Variants in MYH14 observed in about 807,000 individuals in gnomAD.
MYH14 encodes myosin-14.
In MYH14, 123 loss-of-function variants were observed where a neutral mutation model predicts 255.5. The ratio of observed to expected loss-of-function variants is 0.48; its 90% CI spans 0.42 to 0.56. The LOEUF is 0.56. Among genes scored for constraint, MYH14 ranks in the 20% least tolerant of loss-of-function variants. The pLI, the probability that MYH14 is intolerant of heterozygous loss-of-function variation, is 0.00. For synonymous variants in MYH14, 1,095 were observed against 1,161.2 expected (o/e 0.94, Z 1.16); for missense variants, 2,423 against 2,802.3 (o/e 0.86, Z 3.06).
rs370923801 is a variant in MYH14, at chr19:50,271,937, G to T, written c.3260G>T (p.Arg1087Leu). Reference protein sequence around the residue: ...EEKVKSLNKLRLKYEATIADM... With the variant: ...EEKVKSLNKLLLKYEATIADM... ...AAGGTCAAGAGCCTCAATAAGCTAC[G>T]GCTCAAATATGAGGCCACAATCGCA... Residue 1087 changes from arginine to leucine, a missense_variant, in exon 26 of 43, where the codon CGG becomes CTG. Transcript: ENST00000642316. The T allele has an allele frequency of 1.2e-6, 2 of 1,611,530 alleles. No homozygotes were observed. The highest frequency in any genetic ancestry group is 1.7e-6 in the Non-Finnish European group (2 of 1,179,066).
At position 50,276,899 on chromosome 19, in the gene MYH14, AG is replaced by A; in HGVS notation, c.3825+1del. ...ELAEQLEQAR[R>X]GKGAWEKTRL... The stretch of plus-strand genomic sequence containing the variant: ...GGCGGAGCAGCTGGAGCAGGCCCGG[AG>A]GGTGGGTTGGGGCAGGGGGACAGGG... On this transcript the variant is annotated frameshift_variant and splice_region_variant, in exon 29 of 43. Coordinates refer to ENST00000642316, the MANE Select transcript of MYH14 (RefSeq NM_001145809.2). The surrounding 1 kb of genome is among the most constrained non-coding windows in gnomAD (Gnocchi z 4.3). 1.3e-6 allele frequency: 1 copy of A among 781,546 alleles called. No homozygotes were observed. The highest frequency in any genetic ancestry group is 1.7e-6 in the Non-Finnish European group (1 of 573,596). The allele number at this position is 781,546 out of a possible 1,614,324, so 48.4% of individuals were successfully genotyped here.
In MYH14 at chr19:50,293,546, GCCTT is replaced by G. The variant is rs766583843; in HGVS notation, c.5346-14_5346-11del. ...GACCATCCTGTCCTTTCATCCCCAC[GCCTT>G]CCTGTCTCCCTAGGGCAGCCATTCT... On this transcript the variant is annotated splice_polypyrimidine_tract_variant and intron_variant, in intron 38 of 42. Transcript: ENST00000642316. The surrounding 1 kb of genome is among the most constrained non-coding windows in gnomAD (Gnocchi z 4.1). 1.9e-6 allele frequency: 3 copies of G among 1,611,994 alleles called. No homozygotes were observed. In the South Asian group the frequency reaches 3.3e-5, roughly 18 times the overall value.
chr19:50,296,978 GT>G (rs869302796), intron 39 of MYH14, among the ~76,000 whole-genome samples: 3 of 68,894 alleles, frequency 4.4e-5, no homozygotes, highest in South Asian at 1.0e-3. Flanking sequence ...TATTCTCTCT[GT>G]TTTTTTTTGT....
At position 50,231,917 on chromosome 19, in the gene MYH14, A is replaced by G; in HGVS notation, c.974-13A>G. On this transcript the variant is annotated splice_polypyrimidine_tract_variant and intron_variant, in intron 9 of 42. Coordinates refer to ENST00000642316, the MANE Select transcript of MYH14 (RefSeq NM_001145809.2). ...CCCACCTTTGACCTTGACCCCACTC[A>G]TTGTCCCTGCAGCCGACCTCCTCCT... is the stretch of plus-strand genomic sequence containing the variant. 1 of 1,613,570 alleles carries G rather than the reference A, an allele frequency of 6.2e-7. No homozygotes were observed. Among genetic ancestry groups the G allele is most frequent in the Non-Finnish European group, 8.5e-7 (1 of 1,179,790 alleles).
intron 10 of MYH14, among the ~76,000 whole-genome samples, chr19:50,243,923 G>T (rs1047746616): frequency 6.6e-6 from 1 of 151,676 alleles, no homozygotes; most frequent in African/African-American, 2.4e-5. Flanking sequence ...AACTCAACCG[G>T]AATTCACCGA....
intron 33 of MYH14, among the ~76,000 whole-genome samples, chr19:50,282,796 T>G (rs1264901865): frequency 6.6e-6 from 1 of 152,212 alleles, no homozygotes; most frequent in Non-Finnish European, 1.5e-5. Flanking sequence ...ACGATTTCTC[T>G]CTTTATGTTT....
At chr19:50,262,704 T>C (rs1421933253) in intron 21 of MYH14, among the ~76,000 whole-genome samples, 1 of 151,448 alleles carries the variant, frequency 6.6e-6, no homozygotes, top group Admixed American at 6.6e-5. Context: ...CGTGTTGGGA[T>C]GGGCTGATAG....
chr19:50,209,574 G>C (rs2032032828), intron 1 of MYH14, among the ~76,000 whole-genome samples: 1 of 151,296 alleles, frequency 6.6e-6, no homozygotes, highest in Admixed American at 6.6e-5. Flanking sequence ...CACCAGGTCA[G>C]GGGATCGAGA....
intron 10 of MYH14, among the ~76,000 whole-genome samples, chr19:50,240,402 G>T (rs2033844706): frequency 1.3e-5 from 2 of 152,056 alleles, no homozygotes; most frequent in South Asian, 4.1e-4. Context: ...AACATGCCAA[G>T]ATCCCATCTG....
At chr19:50,204,884 G>T (rs1035065896) in intron 1 of MYH14, among the ~76,000 whole-genome samples, 1 of 151,562 alleles carries the variant, frequency 6.6e-6, no homozygotes, top group African/African-American at 2.4e-5. Flanking sequence ...AACAGAGAGA[G>T]ACCCTGTCTC....
Position 50,226,939 on chromosome 19 carries a change from T to G in MYH14, c.847T>G (p.Tyr283Asp). The G allele has an allele frequency of 6.2e-7, 1 of 1,613,690 alleles. No individual in the cohort carries two copies. The highest frequency in any genetic ancestry group is 8.5e-7 in the Non-Finnish European group (1 of 1,179,782). The change falls in exon 8 of 43, where the codon TAC (tyrosine) becomes GAC (aspartate). Residue 283 changes from tyrosine to aspartate, a missense_variant. By Grantham distance (160) the Tyr-to-Asp change is radical. Transcript: ENST00000642316. ...CCGCATCAACTTTGATGTTGCCGGG[T>G]ACATCGTGGGCGCCAACATTGAGAC... ...FIRINFDVAG[Y>D]IVGANIETYL...
chr19:50,282,570 G>T (rs968664744), intron 33 of MYH14, among the ~76,000 whole-genome samples: 2 of 152,172 alleles, frequency 1.3e-5, no homozygotes, highest in African/African-American at 4.8e-5. Context: ...GGGCATGGCG[G>T]TGTGCGCCTG....
chr19:50,207,632 T>A (rs1023902010), intron 1 of MYH14, among the ~76,000 whole-genome samples: 2 of 152,152 alleles, frequency 1.3e-5, no homozygotes, highest in African/African-American at 4.8e-5. Context: ...AGTCTCCCCA[T>A]TTTATGGAGA....
intron 27 of MYH14, 33 bp from the exon 28 acceptor site, chr19:50,275,958 C>T (rs2035488100): frequency 6.4e-7 from 1 of 1,566,782 alleles, no homozygotes; most frequent in Admixed American, 1.7e-5. Flanking sequence ...TGGCCTGCCC[C>T]TGTATCAACT....
chr19:50,271,563 C>T lies in MYH14; in HGVS notation c.3171+17C>T, dbSNP rs749062760. Reference sequence around the variant, plus strand: ...CTGAGCAAGGTTGGGGGCCTGAGGGCAGCTGGGAAAGTGGGGATGGGGTGC... The same window carrying T: ...CTGAGCAAGGTTGGGGGCCTGAGGGTAGCTGGGAAAGTGGGGATGGGGTGC... On this transcript the variant is annotated intron_variant, in intron 25 of 42. Transcript: ENST00000642316. 6.2e-7 allele frequency: 1 copy of T among 1,600,226 alleles called. No homozygotes were observed. The highest frequency in any genetic ancestry group is 8.5e-7 in the Non-Finnish European group (1 of 1,173,534).
Position 50,210,419 on chromosome 19 carries a change from C to T in MYH14, c.54C>T (p.Gly18=). 6.4e-7 allele frequency: 1 copy of T among 1,565,572 alleles called. No individual in the cohort carries two copies. The highest frequency in any genetic ancestry group is 8.6e-7 in the Non-Finnish European group (1 of 1,157,120). Residue 18 remains glycine, a synonymous_variant, in exon 2 of 43, where the codon GGC becomes GGT. Transcript: ENST00000642316. ...VPGRKAPPRP[G]PVPEAAQPFL... ...GGCGGAAGGCGCCCCCCAGGCCGGGCCCAGTGCCCGAGGCGGCCCAGCCGT... is the reference window on the plus strand; with the variant it reads ...GGCGGAAGGCGCCCCCCAGGCCGGGTCCAGTGCCCGAGGCGGCCCAGCCGT...
chr19:50,255,283 C>A lies in MYH14; in HGVS notation c.2009C>A (p.Ala670Glu). ...GSFPPSPPGS[A>E]ERCSSAISPP... Reference sequence around the variant, plus strand: ...TTCCCACCGTCGCCCCCAGGATCTGCAGAGAGGTGCAGCTCTGCTATTTCT... The same window carrying A: ...TTCCCACCGTCGCCCCCAGGATCTGAAGAGAGGTGCAGCTCTGCTATTTCT... Residue 670 changes from alanine to glutamate, a missense_variant, in exon 17 of 43, where the codon GCA becomes GAA. Physicochemically the swap from Ala to Glu is moderately radical, Grantham distance 107. Coordinates refer to ENST00000642316, the MANE Select transcript of MYH14 (RefSeq NM_001145809.2). The A allele has an allele frequency of 6.4e-7, 1 of 1,551,448 alleles. No homozygotes were observed. Among genetic ancestry groups the A allele is most frequent in the Non-Finnish European group, 8.7e-7 (1 of 1,146,978 alleles).
intron 40 of MYH14, among the ~76,000 whole-genome samples, chr19:50,302,540 G>A (rs1356599463): frequency 1.1e-4 from 16 of 149,824 alleles, no homozygotes; most frequent in Admixed American, 2.7e-4. Flanking sequence ...CCGAGATTGC[G>A]CCACTGCCCT....
At chr19:50,275,347 A>C (rs2035465834) in intron 27 of MYH14, among the ~76,000 whole-genome samples, 1 of 152,334 alleles carries the variant, frequency 6.6e-6, no homozygotes, top group East Asian at 1.9e-4. Context: ...GGGCCAACCC[A>C]GCCACTCACG....
Sources: gnomAD v4.1 joint callset for allele counts (sites outside exome capture counted in the v4.1 genomes callset) on GRCh38, gnomAD v4.1.1 for gene constraint, Gnocchi (gnomAD v3.1) non-coding constraint, MANE v1.5 for transcripts, NCBI Gene and HGNC (gene_info 2026-07-23, HGNC 2026-07-21) for gene names.